The following ENTREP2 variants were observed in gnomAD, a reference collection of about 807,000 sequenced individuals.
ENTREP2 encodes endosomal transmembrane epsin interactor 2, also known as protein ENTREP2.
At chr15:29,473,827 C>A in the ENTREP2 span, among the ~76,000 whole-genome samples, 18 of 152,322 alleles carry the variant, frequency 1.2e-4, no homozygotes, top group East Asian at 3.5e-3. Flanking sequence ...ATCTCCCGGG[C>A]TGAATGCTGC....
At chr15:29,418,589 T>C in the ENTREP2 span, among the ~76,000 whole-genome samples, 1 of 152,180 alleles carries the variant, frequency 6.6e-6, no homozygotes, top group Non-Finnish European at 1.5e-5. Context: ...GTTGCACAGG[T>C]CTTTCGCTTC....
chr15:29,460,918 T>A, the ENTREP2 span, among the ~76,000 whole-genome samples: 1 of 152,124 alleles, frequency 6.6e-6, no homozygotes, highest in African/African-American at 2.4e-5. Flanking sequence ...GGAAGAAAAG[T>A]GATTCAGCTT....
chr15:29,210,474 G>A, the ENTREP2 span, among the ~76,000 whole-genome samples: 674 of 152,298 alleles, frequency 4.4e-3, 2 homozygotes, highest in Non-Finnish European at 6.6e-3. Context: ...CCTGAGCTCC[G>A]CCTCCTGTCA....
the ENTREP2 span, among the ~76,000 whole-genome samples, chr15:29,634,620 G>A: frequency 4.5e-3 from 689 of 152,302 alleles, 6 homozygotes; most frequent in African/African-American, 0.016. Flanking sequence ...TACCTGGAGA[G>A]AGTATCAGAT....
chr15:29,227,457 A>G, the ENTREP2 span, among the ~76,000 whole-genome samples: 21 of 152,142 alleles, frequency 1.4e-4, no homozygotes, highest in African/African-American at 5.1e-4. Flanking sequence ...AGCGGCCTGC[A>G]TATTTAGGGT....
chr15:29,381,211 C>G, the ENTREP2 span, among the ~76,000 whole-genome samples: 5 of 148,610 alleles, frequency 3.4e-5, no homozygotes, highest in Non-Finnish European at 3.0e-5. Flanking sequence ...AATCCCAGCA[C>G]TTTGGGAGGC....
chr15:29,487,805 G>C, the ENTREP2 span, among the ~76,000 whole-genome samples: 1 of 152,172 alleles, frequency 6.6e-6, no homozygotes, highest in African/African-American at 2.4e-5. Context: ...TAATTATCCT[G>C]CCTCAGCCTC....
At chr15:29,163,430 G>A in the ENTREP2 span, among the ~76,000 whole-genome samples, 3 of 151,822 alleles carry the variant, frequency 2.0e-5, no homozygotes, top group Admixed American at 1.3e-4. Flanking sequence ...AAGAAGTGAC[G>A]GGAGAAATAG....
chr15:29,561,688 A>G, the ENTREP2 span, among the ~76,000 whole-genome samples: 2 of 109,784 alleles, frequency 1.8e-5, no homozygotes, highest in African/African-American at 6.2e-5. Context: ...ACTCCATCTC[A>G]AAATTATAAT....
the ENTREP2 span, among the ~76,000 whole-genome samples, chr15:29,604,909 G>A: frequency 6.6e-6 from 1 of 152,126 alleles, no homozygotes; most frequent in South Asian, 2.1e-4. Context: ...TGAGAAAGGT[G>A]GGCACCTGCA....
the ENTREP2 span, among the ~76,000 whole-genome samples, chr15:29,372,405 ATG>A: frequency 2.0e-5 from 3 of 152,166 alleles, no homozygotes; most frequent in Non-Finnish European, 2.9e-5. Context: ...CATACAAAAT[ATG>A]TGTTAGTTGA....
At chr15:29,229,297 A>G in the ENTREP2 span, among the ~76,000 whole-genome samples, 11 of 152,294 alleles carry the variant, frequency 7.2e-5, no homozygotes, top group East Asian at 2.1e-3. Context: ...AAAGGTTAAA[A>G]TTTTGAAATA....
the ENTREP2 span, among the ~76,000 whole-genome samples, chr15:29,305,930 A>T: frequency 6.6e-6 from 1 of 152,246 alleles, no homozygotes; most frequent in Admixed American, 6.5e-5. Flanking sequence ...TAGGAAGAAA[A>T]GCCAGCAAGA....
chr15:29,126,600 G>T, the ENTREP2 span: 4 of 910,710 alleles, frequency 4.4e-6, no homozygotes, highest in Non-Finnish European at 6.7e-6. Context: ...AACCCTGGGG[G>T]TGCGGAAACA....
the ENTREP2 span, among the ~76,000 whole-genome samples, chr15:29,587,169 G>GTGTGTGTGTA: frequency 5.7e-5 from 8 of 141,388 alleles, no homozygotes; most frequent in African/African-American, 2.0e-4. Flanking sequence ...GTGTGTGTGT[G>GTGTGTGTGTA]TGTGTGTGTG....
the ENTREP2 span, among the ~76,000 whole-genome samples, chr15:29,606,019 C>CTTGT: frequency 6.6e-6 from 1 of 151,960 alleles, no homozygotes; most frequent in Non-Finnish European, 1.5e-5. Flanking sequence ...ATTAATCTGA[C>CTTGT]TTGTTTTCAT....
chr15:29,309,113 A>G, the ENTREP2 span, among the ~76,000 whole-genome samples: 18 of 152,166 alleles, frequency 1.2e-4, no homozygotes, highest in Admixed American at 1.1e-3. Flanking sequence ...TCTTGTGTCA[A>G]TTTAATTCAC....
At chr15:29,422,881 T>G in the ENTREP2 span, among the ~76,000 whole-genome samples, 1 of 152,152 alleles carries the variant, frequency 6.6e-6, no homozygotes, top group African/African-American at 2.4e-5. Flanking sequence ...GTTTGGGACA[T>G]TGTGGCCAAT....
the ENTREP2 span, among the ~76,000 whole-genome samples, chr15:29,661,017 A>G: frequency 6.6e-6 from 1 of 152,162 alleles, no homozygotes; most frequent in East Asian, 1.9e-4. Flanking sequence ...GTAAAGCATT[A>G]ATGATATTTA....
Sources: gnomAD v4.1 joint callset for allele counts (sites outside exome capture counted in the v4.1 genomes callset) on GRCh38, gnomAD v4.1.1 for gene constraint, MANE v1.5 for transcripts, NCBI Gene and HGNC (gene_info 2026-07-23, HGNC 2026-07-21) for gene names.